The following ATP2B2 variants were observed in gnomAD, a reference collection of about 807,000 sequenced individuals.
ATP2B2 encodes the protein plasma membrane calcium-transporting ATPase 2.
ATP2B2 carries 15 observed loss-of-function variants against 120.0 expected under a neutral mutation model. The observed-to-expected ratio is 0.12, with a 90% CI of 0.08 to 0.19. ATP2B2 has a LOEUF of 0.19. Ranked by LOEUF, ATP2B2 falls within the 10% of genes least tolerant of loss-of-function variation. ATP2B2 has a pLI of 1.00. For synonymous variants in ATP2B2, 694 were observed against 700.3 expected, an observed-to-expected ratio of 0.99 and a Z score of 0.14; for missense variants, 1,045 against 1,719.8, an observed-to-expected ratio of 0.61 and a Z score of 6.94.
upstream of ATP2B2, among the ~76,000 whole-genome samples, chr3:10,509,449 G>C (rs547076942): frequency 3.9e-5 from 6 of 152,210 alleles, no homozygotes; most frequent in South Asian, 1.0e-3. Context: ...TGTCTCCTCT[G>C]ACCCCCACAG....
chr3:10,331,421 T>C (rs2125328330), intron 22 of ATP2B2, among the ~76,000 whole-genome samples: 1 of 152,298 alleles, frequency 6.6e-6, no homozygotes, highest in Admixed American at 6.5e-5. Context: ...CTGGAACACC[T>C]AGTGTATGTG....
At chr3:10,544,823 G>C (rs2067510240) in intron 2 of ATP2B2, among the ~76,000 whole-genome samples, 1 of 152,200 alleles carries the variant, frequency 6.6e-6, no homozygotes, top group African/African-American at 2.4e-5. Flanking sequence ...ATGTCCTGCA[G>C]ACACTTCACT....
intron 1 of ATP2B2, among the ~76,000 whole-genome samples, chr3:10,482,206 T>A (rs145106124): frequency 6.6e-6 from 1 of 152,300 alleles, no homozygotes; most frequent in East Asian, 1.9e-4. Context: ...TCTCATGGCA[T>A]CCTCATAGCC....
intron 2 of ATP2B2, among the ~76,000 whole-genome samples, chr3:10,590,457 G>T (rs907949323): frequency 1.8e-4 from 28 of 152,194 alleles, no homozygotes; most frequent in Non-Finnish European, 1.5e-5. Flanking sequence ...AAGCCTTCTA[G>T]AGTGTCCTTC....
intron 5 of ATP2B2, chr3:10,394,540 G>A (rs1256735251): frequency 6.4e-6 from 3 of 470,892 alleles, no homozygotes; most frequent in African/African-American, 6.0e-5. Flanking sequence ...AAGAGGCAGG[G>A]TAGTGTAATG....
chr3:10,614,483 G>A lies in ATP2B2; in HGVS notation c.-415+5434C>T, dbSNP rs1015729454. 2.6e-5 allele frequency among the ~76,000 whole-genome samples: 4 copies of A among 152,342 alleles called. No individual in the cohort carries two copies. The East Asian group carries it at 5.8e-4, about 22-fold the overall frequency. The stretch of plus-strand genomic sequence containing the variant: ...TAGGTAACAAACAGATGCTCTGAAA[G>A]CACAATGCGCCAGGTCATTTCCTTC... On this transcript the variant is annotated intron_variant, in intron 2 of 21. Transcript: ENST00000646379.
intron 10 of ATP2B2, among the ~76,000 whole-genome samples, chr3:10,376,523 C>T (rs73014683): frequency 0.064 from 9,684 of 152,238 alleles, 418 homozygotes; most frequent in African/African-American, 0.11. Flanking sequence ...AGGAACGCAG[C>T]TGGGGACCCA....
intron 1 of ATP2B2, among the ~76,000 whole-genome samples, chr3:10,692,770 C>A (rs1482058000): frequency 6.6e-6 from 1 of 152,132 alleles, no homozygotes; most frequent in Non-Finnish European, 1.5e-5. Flanking sequence ...CAGCGATATG[C>A]CCAGGAGCAG....
At chr3:10,646,121 G>A (rs185050064) in intron 1 of ATP2B2, among the ~76,000 whole-genome samples, 54 of 152,266 alleles carry the variant, frequency 3.5e-4, no homozygotes, top group African/African-American at 1.2e-3. Context: ...AGAGAGTTCT[G>A]GCCGATATCA....
chr3:10,371,473 C>G (rs1435007720), intron 12 of ATP2B2, among the ~76,000 whole-genome samples: 3 of 152,204 alleles, frequency 2.0e-5, no homozygotes, highest in Non-Finnish European at 4.4e-5. Context: ...GAGTGAAATA[C>G]ACAGGTTTGT....
chr3:10,705,242 C>T (rs2071878483), intron 1 of ATP2B2, among the ~76,000 whole-genome samples: 1 of 152,218 alleles, frequency 6.6e-6, no homozygotes, highest in Non-Finnish European at 1.5e-5. Context: ...CCCATAGCAC[C>T]AGGCTTAGAC....
At chr3:10,685,794 C>T (rs2125708263) in intron 1 of ATP2B2, among the ~76,000 whole-genome samples, 1 of 152,346 alleles carries the variant, frequency 6.6e-6, no homozygotes, top group African/African-American at 2.4e-5. Context: ...ATGGACACAT[C>T]TTTGACAACC....
intron 3 of ATP2B2, among the ~76,000 whole-genome samples, chr3:10,526,607 C>T (rs559558901): frequency 1.3e-5 from 2 of 152,276 alleles, no homozygotes; most frequent in South Asian, 4.1e-4. Context: ...CCCTGTGTGG[C>T]ACCCCCAGAC....
At chr3:10,522,252 C>T (rs569147195) in intron 3 of ATP2B2, among the ~76,000 whole-genome samples, 6 of 152,226 alleles carry the variant, frequency 3.9e-5, no homozygotes, top group South Asian at 2.1e-4. Flanking sequence ...CTTTTCAGTA[C>T]GTGTGTATTG....
Position 10,329,746 on chromosome 3 carries a change from T to C in ATP2B2, c.3421-621A>G, listed in dbSNP as rs1199074543. Among the ~76,000 whole-genome samples, 8 of 152,086 alleles carry C rather than the reference T, an allele frequency of 5.3e-5. No individual in the cohort carries two copies. The highest frequency in any genetic ancestry group is 1.2e-4 in the Non-Finnish European group (8 of 68,026). On this transcript the variant is annotated intron_variant, in intron 22 of 22. Transcript: ENST00000360273. The surrounding 1 kb of genome is among the most constrained non-coding windows in gnomAD (Gnocchi z 5.9). The stretch of plus-strand genomic sequence containing the variant: ...AAGCAAACCAAAGCCAACCCAGGGC[T>C]TTCTGAGGTGCAGAGCAGAGGCAGC...
Position 10,523,701 on chromosome 3 carries a change from C to T in ATP2B2, c.-320+10338G>A, listed in dbSNP as rs184283927. On this transcript the variant is annotated intron_variant, in intron 3 of 21. Coordinates refer to the ATP2B2 transcript ENST00000646379. ...TCACAGGAAAAATGCCCCCTTGATG[C>T]TTCCTCCCCCGCTTGATTATTCGGG... 2.6e-3 allele frequency among the ~76,000 whole-genome samples: 402 copies of T among 152,242 alleles called. 5 individuals carry two copies. The South Asian group carries it at 0.03, about 11-fold the overall frequency.
chr3:10,634,268 G>A (rs1240915387), intron 1 of ATP2B2, among the ~76,000 whole-genome samples: 1 of 152,226 alleles, frequency 6.6e-6, no homozygotes, highest in African/African-American at 2.4e-5. Context: ...CAAGGCATCT[G>A]AGGCTACGTG....
Position 10,455,469 on chromosome 3 carries a change from TG to T in ATP2B2, c.-319-5608del, listed in dbSNP as rs1282582873. Among the ~76,000 whole-genome samples, 8 of 152,326 alleles carry T rather than the reference TG, an allele frequency of 5.3e-5. 1 individual carries two copies. The East Asian group carries it at 1.3e-3, about 26-fold the overall frequency. On this transcript the variant is annotated intron_variant, in intron 1 of 22. Coordinates refer to ENST00000360273, the MANE Select transcript of ATP2B2 (RefSeq NM_001001331.4). ...ACTTTGCTGGGCTTCCTCTGTAAAG[TG>T]GGGATGACCCTGTTTGTCTTACAGG...
intron 16 of ATP2B2, among the ~76,000 whole-genome samples, chr3:10,349,236 T>G (rs571407955): frequency 6.6e-6 from 1 of 152,268 alleles, no homozygotes; most frequent in African/African-American, 2.4e-5. Flanking sequence ...GAGGACTGCT[T>G]GAGGCCAGGA....
Sources: allele counts gnomAD v4.1 joint callset (sites outside exome capture counted in the v4.1 genomes callset), GRCh38; gene constraint gnomAD v4.1.1; non-coding constraint Gnocchi (gnomAD v3.1); transcripts MANE v1.5; gene names NCBI Gene and HGNC (gene_info 2026-07-23, HGNC 2026-07-21).